Variants in RP1 observed in about 807,000 individuals in gnomAD.
RP1 encodes the protein oxygen-regulated protein 1.
A neutral mutation model predicts 14.8 loss-of-function variants in RP1; 16 were observed. The ratio of observed to expected loss-of-function variants is 1.08; its 90% CI spans 0.73 to 1.65. The LOEUF (loss-of-function observed/expected upper bound fraction) is 1.65, where lower values mean the gene tolerates loss of function less well. Among genes scored for constraint, RP1 ranks in the 40% most tolerant of loss-of-function variants. RP1 has a pLI of 0.00. For missense variants in RP1, 2,631 were observed against 2,535.0 expected (o/e 1.04, Z -0.81); for synonymous variants, 876 against 883.6 (o/e 0.99, Z 0.15).
intron 3 of RP1, among the ~76,000 whole-genome samples, chr8:54,636,955 T>C (rs895048194): frequency 1.3e-5 from 2 of 152,202 alleles, no homozygotes; most frequent in African/African-American, 4.8e-5. Context: ...TCTCTAGATT[T>C]GTTATTTTAT....
chr8:54,706,409 T>C (rs928712321), intron 14 of RP1: 8 of 1,530,568 alleles, frequency 5.2e-6, no homozygotes, highest in Middle Eastern at 1.8e-4. Context: ...AGCCCGTTAC[T>C]GACTGCCTTT....
chr8:54,700,277 G>C (rs557984711), intron 13 of RP1, among the ~76,000 whole-genome samples: 2 of 151,748 alleles, frequency 1.3e-5, no homozygotes, highest in African/African-American at 4.8e-5. Flanking sequence ...GGCATGATCA[G>C]AACTCACTGC....
At chr8:54,648,090 C>A (rs1806584909) in intron 3 of RP1, among the ~76,000 whole-genome samples, 1 of 152,108 alleles carries the variant, frequency 6.6e-6, no homozygotes, top group Non-Finnish European at 1.5e-5. Flanking sequence ...CTCTCTCCTG[C>A]CTTGTGAAGA....
At chr8:54,854,255 T>C (rs1196639297) in intron 26 of RP1, among the ~76,000 whole-genome samples, 3 of 152,120 alleles carry the variant, frequency 2.0e-5, no homozygotes, top group Admixed American at 6.6e-5. Flanking sequence ...GTATCAAGAC[T>C]TATGAAATTA....
chr8:54,691,079 A>C (rs1202700571), intron 12 of RP1, among the ~76,000 whole-genome samples: 1 of 152,048 alleles, frequency 6.6e-6, no homozygotes, highest in Non-Finnish European at 1.5e-5. Flanking sequence ...AGAGATAGCC[A>C]CGAATGGATT....
At chr8:54,722,326 A>G (rs1437031287) in intron 16 of RP1, among the ~76,000 whole-genome samples, 1 of 149,968 alleles carries the variant, frequency 6.7e-6, no homozygotes, top group Non-Finnish European at 1.5e-5. Flanking sequence ...GCTGGAGTGC[A>G]GTGGCGCTAT....
Position 54,791,409 on chromosome 8 carries a change from G to C in RP1, c.3615+7699G>C, listed in dbSNP as rs75742729. 8.5e-3 allele frequency among the ~76,000 whole-genome samples: 1,293 copies of C among 152,178 alleles called. 23 individuals carry two copies. The highest frequency in any genetic ancestry group is 0.029 in the African/African-American group (1,220 of 41,536). On this transcript the variant is annotated intron_variant, in intron 24 of 28. Coordinates refer to the RP1 transcript ENST00000637698. ...TAAAATATATGAATATATGAAACTT[G>C]TTGTAAAAATAAATATATATAGTCA...
At chr8:54,678,364 A>C (rs928080783) in intron 8 of RP1, 32 of 977,910 alleles carry the variant, frequency 3.3e-5, no homozygotes, top group Non-Finnish European at 4.4e-5. Context: ...CAAGACCTTT[A>C]CATATATTTG....
chr8:54,745,049 G>A (rs966997008), intron 19 of RP1, among the ~76,000 whole-genome samples: 1 of 152,176 alleles, frequency 6.6e-6, no homozygotes, highest in Non-Finnish European at 1.5e-5. Context: ...GTTTTATCAA[G>A]TATTACTAGA....
chr8:54,761,029 TGTTTTATTCCCTGCATCAGAAGA>T (rs1809625783), intron 22 of RP1, among the ~76,000 whole-genome samples: 1 of 152,196 alleles, frequency 6.6e-6, no homozygotes, highest in Non-Finnish European at 1.5e-5. Flanking sequence ...GTGGAAGCTC[TGTTTTATTCCCTGCATCAGAAGA>T]GGTAGAGTGT....
rs1487849842 is a variant in RP1, at chr8:54,674,052, T to C, written c.1402+124T>C. 2.7e-5 allele frequency: 19 copies of C among 694,346 alleles called. No individual in the cohort carries two copies. The South Asian group carries it at 3.6e-4, about 13-fold the overall frequency. The allele number at this position is 694,346 out of a possible 1,614,324, so 43.0% of individuals were successfully genotyped here. On this transcript the variant is annotated intron_variant, in intron 8 of 22. Coordinates refer to the RP1 transcript ENST00000636932. ...AATGGATCTCTATGTATTGACTATA[T>C]GAAATCAAAATATTGTCTCCAAATA...
At chr8:54,679,876 G>A in exon 12 of RP1, 2 of 1,536,066 alleles carry the variant, frequency 1.3e-6, no homozygotes, top group Non-Finnish European at 1.7e-6. Flanking sequence ...TGGAGGGTTT[G>A]TCCGTTTGCA....
At chr8:54,840,080 T>C (rs895238631) in intron 25 of RP1, among the ~76,000 whole-genome samples, 1 of 152,156 alleles carries the variant, frequency 6.6e-6, no homozygotes, top group African/African-American at 2.4e-5. Flanking sequence ...CCTGCATGTC[T>C]CAGGACCTAT....
At position 54,604,935 on chromosome 8, in the gene RP1, CTTT is replaced by C. The variant is rs984743272; in HGVS notation, c.-12-16019_-12-16017del. ...CTATTTGATTCTTCTCTCTTTTCTTCTTTATTAGTCTTGCTAGTGGTCTATCAA... is the reference window on the plus strand; with the variant it reads ...CTATTTGATTCTTCTCTCTTTTCTTCATTAGTCTTGCTAGTGGTCTATCAA... On this transcript the variant is annotated intron_variant, in intron 1 of 22. Transcript: ENST00000636932. Among the ~76,000 whole-genome samples the C allele has an allele frequency of 2.0e-3, 301 of 152,096 alleles. 3 individuals carry two copies. The highest frequency in any genetic ancestry group is 6.8e-3 in the African/African-American group (283 of 41,482).
chr8:54,736,576 C>A (rs1808929209), intron 18 of RP1, among the ~76,000 whole-genome samples: 3 of 152,154 alleles, frequency 2.0e-5, no homozygotes, highest in Admixed American at 2.0e-4. Flanking sequence ...AGATTACAGG[C>A]ACCAAGGACT....
At chr8:54,567,644 A>T (rs1804436573) in intron 1 of RP1, among the ~76,000 whole-genome samples, 1 of 151,988 alleles carries the variant, frequency 6.6e-6, no homozygotes, top group Non-Finnish European at 1.5e-5. Context: ...AAAAAAAATC[A>T]CCCTTCTTTT....
chr8:54,709,581 A>G (rs1313276417), intron 15 of RP1, among the ~76,000 whole-genome samples: 1 of 152,218 alleles, frequency 6.6e-6, no homozygotes, highest in Non-Finnish European at 1.5e-5. Context: ...TGGAGAACCC[A>G]GTGAAATTGA....
At chr8:54,864,942 G>A (rs1812426240) in intron 27 of RP1, among the ~76,000 whole-genome samples, 1 of 152,070 alleles carries the variant, frequency 6.6e-6, no homozygotes, top group African/African-American at 2.4e-5. Context: ...TAGTTTATGA[G>A]GAACTGACAT....
At chr8:54,780,131 C>T (rs1242578736) in intron 23 of RP1, among the ~76,000 whole-genome samples, 1 of 152,238 alleles carries the variant, frequency 6.6e-6, no homozygotes, top group African/African-American at 2.4e-5. Flanking sequence ...CATATGGTCT[C>T]TGTTGCAACT....
Sources: allele counts gnomAD v4.1 joint callset (sites outside exome capture counted in the v4.1 genomes callset), GRCh38; gene constraint gnomAD v4.1.1; transcripts MANE v1.5; gene names NCBI Gene and HGNC (gene_info 2026-07-23, HGNC 2026-07-21).